Variants in ADAMTS17 observed in about 807,000 individuals in gnomAD.
ADAMTS17 encodes the protein ADAM metallopeptidase with thrombospondin type 1 motif 17.
Under a neutral mutation model 141.5 loss-of-function variants are expected in ADAMTS17, and 113 were observed. That is an observed-to-expected ratio of 0.80 (90% confidence interval 0.69 to 0.93). ADAMTS17 has a LOEUF of 0.93. ADAMTS17 is among the 40% of genes least tolerant of loss of function. The pLI is 0.00. For synonymous variants in ADAMTS17, 768 were observed against 630.6 expected, an observed-to-expected ratio of 1.22 and a Z score of -3.27; for missense variants, 1,659 against 1,517.9, an observed-to-expected ratio of 1.09 and a Z score of -1.54.
chr15:100,327,261 A>G (rs1458382491), intron 3 of ADAMTS17, among the ~76,000 whole-genome samples: 1 of 152,230 alleles, frequency 6.6e-6, no homozygotes, highest in East Asian at 1.9e-4. Context: ...GTTTCTACAG[A>G]GTTATAGTAT....
At chr15:100,078,562 T>A (rs1174788231) in intron 15 of ADAMTS17, among the ~76,000 whole-genome samples, 2 of 151,934 alleles carry the variant, frequency 1.3e-5, no homozygotes, top group African/African-American at 2.4e-5. Flanking sequence ...TACAAAAAAA[T>A]TAACTAAAAA....
intron 8 of ADAMTS17, among the ~76,000 whole-genome samples, chr15:100,193,722 A>G (rs1012745949): frequency 2.6e-5 from 4 of 152,056 alleles, no homozygotes; most frequent in African/African-American, 9.7e-5. Context: ...CCAAGCTCCC[A>G]GCTTGTGTCA....
intron 11 of ADAMTS17, 132 bp downstream of exon 11, chr15:100,133,082 G>A (rs2038137164): frequency 2.5e-6 from 2 of 806,260 alleles, no homozygotes; most frequent in African/African-American, 1.7e-5. Context: ...TGGCCTCCAT[G>A]GGCATTTCTG....
intron 3 of ADAMTS17, among the ~76,000 whole-genome samples, chr15:100,285,192 T>G (rs1255160143): frequency 6.6e-6 from 1 of 152,214 alleles, no homozygotes; most frequent in African/African-American, 2.4e-5. Context: ...AAAGAAAATT[T>G]TATGTATTTA....
At chr15:100,085,285 T>C (rs867890048) in intron 15 of ADAMTS17, among the ~76,000 whole-genome samples, 3 of 150,726 alleles carry the variant, frequency 2.0e-5, no homozygotes, top group Non-Finnish European at 3.0e-5. Context: ...AGAAGAGAAG[T>C]TTAGAGAAAA....
rs555782049 is a variant in ADAMTS17 at position 100,191,163 on chromosome 15, C to T, written c.1181+8155G>A. Reference sequence around the variant, plus strand: ...ACTTCCCTCCTGCCTCCTCAAACACCACCTTGGATGACATTATTTTAGGCA... The same window carrying T: ...ACTTCCCTCCTGCCTCCTCAAACACTACCTTGGATGACATTATTTTAGGCA... On this transcript the variant is annotated intron_variant, in intron 8 of 21. Coordinates refer to ENST00000268070, the MANE Select transcript of ADAMTS17 (RefSeq NM_139057.4). Among the ~76,000 whole-genome samples, 33 of 152,334 alleles carry T rather than the reference C, an allele frequency of 2.2e-4. No individual in the cohort carries two copies. The South Asian group carries it at 6.8e-3, about 32-fold the overall frequency.
At chr15:100,248,900 A>G (rs1856899807) in intron 7 of ADAMTS17, among the ~76,000 whole-genome samples, 1 of 151,536 alleles carries the variant, frequency 6.6e-6, no homozygotes, top group African/African-American at 2.4e-5. Flanking sequence ...CCAGGTTCTA[A>G]TGATTGTCCT....
chr15:100,050,078 G>A (rs908040175), intron 17 of ADAMTS17, among the ~76,000 whole-genome samples: 2 of 152,154 alleles, frequency 1.3e-5, no homozygotes, highest in South Asian at 2.1e-4. Flanking sequence ...GGGATGACTC[G>A]AAATCATGGA....
At chr15:100,300,485 T>C (rs1441501202) in intron 3 of ADAMTS17, among the ~76,000 whole-genome samples, 2 of 152,148 alleles carry the variant, frequency 1.3e-5, no homozygotes, top group African/African-American at 2.4e-5. Flanking sequence ...CTCCCAACTT[T>C]CCAATGCCCC....
chr15:100,340,495 G>T lies in ADAMTS17; in HGVS notation c.450+544C>A, dbSNP rs2046330429. On this transcript the variant is annotated intron_variant, in intron 2 of 21. Coordinates refer to ENST00000268070, the MANE Select transcript of ADAMTS17 (RefSeq NM_139057.4). ...TTTCTCTCCTGTTTCTTACGTTTCA[G>T]CTAGGAAGAGTGGGGTGAGCCGTGG... Among the ~76,000 whole-genome samples, 3 of 152,202 alleles carry T rather than the reference G, an allele frequency of 2.0e-5. No individual in the cohort carries two copies. In the South Asian group the frequency reaches 6.2e-4, roughly 32 times the overall value.
intron 10 of ADAMTS17, among the ~76,000 whole-genome samples, chr15:100,149,034 G>T (rs549896444): frequency 6.6e-6 from 1 of 152,144 alleles, no homozygotes; most frequent in South Asian, 2.1e-4. Context: ...GAAAGGAGGC[G>T]GCACACGCCT....
Position 100,140,932 on chromosome 15 carries a change from G to A in ADAMTS17, c.1474-7617C>T, listed in dbSNP as rs114865653. ...GCACGTCCCTGGGCTTCAGCGACAC[G>A]TGATGCACTAGAACAGGGTGGAAAC... On this transcript the variant is annotated intron_variant, in intron 10 of 21. Coordinates refer to ENST00000268070, the MANE Select transcript of ADAMTS17 (RefSeq NM_139057.4). 6.9e-3 allele frequency among the ~76,000 whole-genome samples: 1,046 copies of A among 152,240 alleles called. 13 individuals carry two copies. The highest frequency in any genetic ancestry group is 0.024 in the African/African-American group (995 of 41,540).
At chr15:100,236,657 G>C (rs1356596429) in intron 7 of ADAMTS17, among the ~76,000 whole-genome samples, 2 of 152,154 alleles carry the variant, frequency 1.3e-5, no homozygotes, top group Non-Finnish European at 2.9e-5. Flanking sequence ...GGGAAACGCT[G>C]TAAGACCTTG....
At position 99,972,030 on chromosome 15, in the gene ADAMTS17, T is replaced by TC. The variant is rs796253839; in HGVS notation, c.*2371dup. 29 of 152,282 alleles carry TC rather than the reference T, an allele frequency of 1.9e-4. No individual in the cohort carries two copies. The highest frequency in any genetic ancestry group is 7.0e-4 in the African/African-American group (29 of 41,526). 9.4% of individuals were successfully genotyped at this position (152,282 alleles called of 1,614,324 possible). A position where few individuals can be genotyped will look rare whatever the true frequency, so the allele number is the denominator to read the frequency against. ...ACTTTGGAAGGCTGAGGCGGGTGGA[T>TC]CATGAGGTCAGGAGATCGAGACCAT... On this transcript the variant is annotated 3_prime_UTR_variant, in exon 22 of 22. Transcript: ENST00000268070.
chr15:99,983,778 G>C (rs551847373), intron 20 of ADAMTS17, among the ~76,000 whole-genome samples: 49 of 152,270 alleles, frequency 3.2e-4, no homozygotes, highest in African/African-American at 1.2e-3. Flanking sequence ...TCCCCACTGA[G>C]TGAGTCTCTG....
intron 11 of ADAMTS17, 29 bp from the exon 12 acceptor site, chr15:100,132,181 C>T: frequency 1.2e-6 from 2 of 1,609,384 alleles, no homozygotes; most frequent in Non-Finnish European, 1.7e-6. Flanking sequence ...GGTCGGGGCC[C>T]AGGCACTCAG....
At chr15:100,162,422 CTA>C (rs565707655) in intron 8 of ADAMTS17, among the ~76,000 whole-genome samples, 22 of 142,178 alleles carry the variant, frequency 1.5e-4, no homozygotes, top group African/African-American at 4.1e-4. Context: ...GTATATATAA[CTA>C]TATAGTTATA....
chr15:100,279,937 T>TCC (rs1455047611), intron 4 of ADAMTS17, among the ~76,000 whole-genome samples: 1 of 152,176 alleles, frequency 6.6e-6, no homozygotes, highest in Non-Finnish European at 1.5e-5. Flanking sequence ...ACCAGGCTCC[T>TCC]CCTGCACCTG....
chr15:100,022,153 G>A (rs993178487), intron 18 of ADAMTS17, among the ~76,000 whole-genome samples: 4 of 152,150 alleles, frequency 2.6e-5, no homozygotes, highest in Admixed American at 6.5e-5. Flanking sequence ...TGTTTCTCAC[G>A]TGGATGTGCC....
Sources: allele counts gnomAD v4.1 joint callset (sites outside exome capture counted in the v4.1 genomes callset), GRCh38; gene constraint gnomAD v4.1.1; transcripts MANE v1.5; gene names NCBI Gene and HGNC (gene_info 2026-07-23, HGNC 2026-07-21).